The following SLC4A4 variants were observed in gnomAD, a reference collection of about 807,000 sequenced individuals.
SLC4A4 encodes the protein electrogenic sodium bicarbonate cotransporter 1.
SLC4A4 carries 27 observed loss-of-function variants against 111.5 expected under a neutral mutation model. The observed-to-expected ratio is 0.24, with a 90% CI of 0.18 to 0.33. The LOEUF is 0.33. Ranked by LOEUF, SLC4A4 falls within the 10% of genes least tolerant of loss-of-function variation. The pLI is 1.00. For synonymous variants in SLC4A4, 443 were observed against 463.4 expected (o/e 0.96, Z 0.57); for missense variants, 909 against 1,315.5 (o/e 0.69, Z 4.78).
chr4:71,553,686 T>A (rs971277990), intron 20 of SLC4A4, among the ~76,000 whole-genome samples: 2 of 151,730 alleles, frequency 1.3e-5, no homozygotes, highest in Admixed American at 6.6e-5. Context: ...CTTCTCTTAG[T>A]TTTTTTACTT....
rs1275840671 is a variant in SLC4A4 at position 71,101,883 on chromosome 4, C to T, written c.-2+9091C>T. Among the ~76,000 whole-genome samples, 7 of 151,912 alleles carry T rather than the reference C, an allele frequency of 4.6e-5. No homozygotes were observed. In the East Asian group the frequency reaches 5.8e-4, roughly 13 times the overall value. On this transcript the variant is annotated intron_variant, in intron 2 of 26. Coordinates refer to the SLC4A4 transcript ENST00000649996. ...GAACGCCTCTCCTCCTCCAAAGGAA[C>T]GCAGTTCCTCACCAGCAATGGAACA...
intron 3 of SLC4A4, among the ~76,000 whole-genome samples, chr4:71,324,516 T>C (rs1315637530): frequency 1.3e-5 from 2 of 152,008 alleles, no homozygotes; most frequent in African/African-American, 4.8e-5. Flanking sequence ...GTACCATCAT[T>C]GAGACTACCC....
rs143353802 is a variant in SLC4A4, at chr4:71,290,471, G to C, written c.253+35072G>C. Among the ~76,000 whole-genome samples the C allele has an allele frequency of 9.7e-4, 147 of 152,286 alleles. 1 individual carries two copies. Among genetic ancestry groups the C allele is most frequent in the African/African-American group, 3.5e-3 (145 of 41,580 alleles). On this transcript the variant is annotated intron_variant, in intron 3 of 25. Transcript: ENST00000264485. ...TAGAGGTCAAGGGGATTGAAGACTT[G>C]AGAAAGACCTATTCGACTTCTCAAG...
chr4:71,476,911 T>C (rs1462637346), intron 14 of SLC4A4, among the ~76,000 whole-genome samples: 1 of 151,708 alleles, frequency 6.6e-6, no homozygotes, highest in Non-Finnish European at 1.5e-5. Context: ...TATTAATTAG[T>C]AGACGAAATG....
chr4:71,399,547 A>G (rs1403868536), intron 7 of SLC4A4, among the ~76,000 whole-genome samples: 1 of 146,314 alleles, frequency 6.8e-6, no homozygotes, highest in Non-Finnish European at 1.5e-5. Flanking sequence ...ATCATCTCAG[A>G]TCTGAATTGC....
At chr4:71,554,354 A>G (rs1736284610) in intron 20 of SLC4A4, among the ~76,000 whole-genome samples, 1 of 151,856 alleles carries the variant, frequency 6.6e-6, no homozygotes, top group South Asian at 2.1e-4. Context: ...AAGACTTCCC[A>G]GAAACAGAAT....
At chr4:71,261,070 C>A (rs1488155362) in intron 3 of SLC4A4, among the ~76,000 whole-genome samples, 1 of 152,158 alleles carries the variant, frequency 6.6e-6, no homozygotes, top group Non-Finnish European at 1.5e-5. Flanking sequence ...ACTAGGCGTT[C>A]TTTTGCTTTA....
chr4:71,450,338 G>A (rs756260324), intron 9 of SLC4A4, 51 bp from the exon 10 acceptor site: 11 of 1,280,378 alleles, frequency 8.6e-6, no homozygotes, highest in African/African-American at 1.5e-5. Context: ...ATGGTGTGAA[G>A]CATGTACAGA....
intron 6 of SLC4A4, among the ~76,000 whole-genome samples, chr4:71,377,121 A>G (rs1215704517): frequency 1.3e-5 from 2 of 152,214 alleles, no homozygotes; most frequent in Non-Finnish European, 2.9e-5. Flanking sequence ...TTAATTCCTA[A>G]TGTAACACGT....
rs950169615 is a variant in SLC4A4, at chr4:71,385,325, A to C, written c.731-12252A>C. Among the ~76,000 whole-genome samples the C allele has an allele frequency of 6.1e-5, 9 of 148,444 alleles. No homozygotes were observed. The Admixed American group carries it at 6.1e-4, about 10-fold the overall frequency. Reference sequence around the variant, plus strand: ...GTGATTCTCCTGCCTCAGCCTCCTGAGTACCTGGGATTACAGGCATGCACC... The same window carrying C: ...GTGATTCTCCTGCCTCAGCCTCCTGCGTACCTGGGATTACAGGCATGCACC... On this transcript the variant is annotated intron_variant, in intron 6 of 25. Coordinates refer to ENST00000264485, the MANE Select transcript of SLC4A4 (RefSeq NM_001098484.3).
chr4:71,236,524 G>A, intron 1 of SLC4A4, 52 bp from the exon 2 acceptor site: 1 of 1,533,636 alleles, frequency 6.5e-7, no homozygotes, highest in Non-Finnish European at 9.0e-7. Flanking sequence ...GCTCCAAGTG[G>A]CTCGCTCCAG....
intron 6 of SLC4A4, among the ~76,000 whole-genome samples, chr4:71,364,653 C>T (rs1731083592): frequency 1.3e-5 from 2 of 152,154 alleles, no homozygotes; most frequent in South Asian, 4.1e-4. Context: ...GCTCTCTTGA[C>T]TTAATCACTT....
intron 7 of SLC4A4, among the ~76,000 whole-genome samples, chr4:71,435,100 A>G (rs1724000957): frequency 6.6e-6 from 1 of 151,950 alleles, no homozygotes; most frequent in African/African-American, 2.4e-5. Flanking sequence ...CGCATATCCA[A>G]GACAATCCTA....
intron 2 of SLC4A4, among the ~76,000 whole-genome samples, chr4:71,128,509 A>G (rs928518314): frequency 4.6e-5 from 7 of 152,164 alleles, no homozygotes; most frequent in Non-Finnish European, 1.0e-4. Context: ...TTTTTTCCTA[A>G]GATGGGTCTC....
intron 13 of SLC4A4, among the ~76,000 whole-genome samples, chr4:71,466,979 G>GAGAGAGAGAGAGAT (rs1363275518): frequency 6.9e-6 from 1 of 145,820 alleles, no homozygotes; most frequent in Non-Finnish European, 1.5e-5. Context: ...GAGAGAGAGA[G>GAGAGAGAGAGAGAT]GTCTGAGTAT....
At chr4:71,453,727 C>G in intron 12 of SLC4A4, 58 bp downstream of exon 12, 1 of 1,515,602 alleles carries the variant, frequency 6.6e-7, no homozygotes, top group South Asian at 1.1e-5. Flanking sequence ...TTCCTCACCC[C>G]TACAGCTCAG....
intron 19 of SLC4A4, among the ~76,000 whole-genome samples, 183 bp from the exon 20 acceptor site, chr4:71,547,465 A>AT (rs950834982): frequency 4.6e-5 from 7 of 151,900 alleles, no homozygotes; most frequent in African/African-American, 1.7e-4. Context: ...ACTTTAAGAG[A>AT]TTTTTTTATA....
At chr4:71,188,511 A>G (rs1745593621) in intron 1 of SLC4A4, among the ~76,000 whole-genome samples, 1 of 152,166 alleles carries the variant, frequency 6.6e-6, no homozygotes, top group Non-Finnish European at 1.5e-5. Context: ...CTAAACGCTC[A>G]TTGTCTCAAA....
chr4:71,281,869 C>T (rs1205621712), intron 3 of SLC4A4, among the ~76,000 whole-genome samples: 1 of 151,290 alleles, frequency 6.6e-6, no homozygotes, highest in Non-Finnish European at 1.5e-5. Flanking sequence ...TTGTCTTGAA[C>T]AATACGTAGC....
Sources: gnomAD v4.1 joint callset for allele counts (sites outside exome capture counted in the v4.1 genomes callset) on GRCh38, gnomAD v4.1.1 for gene constraint, MANE v1.5 for transcripts, NCBI Gene and HGNC (gene_info 2026-07-23, HGNC 2026-07-21) for gene names.